The following RUSC2 variants were observed in gnomAD, a reference collection of about 807,000 sequenced individuals.
The protein encoded by RUSC2 is AP-4 complex accessory subunit RUSC2.
A neutral mutation model predicts 122.2 loss-of-function variants in RUSC2; 34 were observed. That is an observed-to-expected ratio of 0.28 (90% confidence interval 0.21 to 0.37). The LOEUF (loss-of-function observed/expected upper bound fraction) is 0.37, where lower values mean the gene tolerates loss of function less well. Among genes scored for constraint, RUSC2 ranks in the 10% least tolerant of loss-of-function variants. The pLI is 1.00. For missense variants in RUSC2, 1,747 were observed against 1,952.4 expected, an observed-to-expected ratio of 0.89 and a Z score of 1.98; for synonymous variants, 784 against 790.0, an observed-to-expected ratio of 0.99 and a Z score of 0.13.
intron 1 of RUSC2, among the ~76,000 whole-genome samples, chr9:35,517,016 A>G (rs193163360): frequency 2.3e-4 from 35 of 152,382 alleles, no homozygotes; most frequent in Non-Finnish European, 2.2e-4. Context: ...TTCGTGATCC[A>G]TAGATACATA....
At chr9:35,535,723 G>A (rs1418677761) in intron 1 of RUSC2, among the ~76,000 whole-genome samples, 1 of 151,416 alleles carries the variant, frequency 6.6e-6, no homozygotes, top group Non-Finnish European at 1.5e-5. Context: ...TGTATTTTTA[G>A]TAGAGACGGA....
intron 1 of RUSC2, among the ~76,000 whole-genome samples, chr9:35,532,247 A>T (rs1404287417): frequency 2.0e-5 from 3 of 152,144 alleles, no homozygotes; most frequent in Non-Finnish European, 2.9e-5. Context: ...GCTATTGGAG[A>T]TTTGATTCTG....
chr9:35,547,241 T>C lies in RUSC2; in HGVS notation c.720T>C (p.Pro240=). ...KLSSDESPRN[P]GCSGSGDQHC... ...GTTCAGATGAATCCCCAAGGAACCC[T>C]GGATGCTCCGGCTCAGGGGACCAGC... The change falls in exon 2 of 12, where the codon CCT becomes CCC. Residue 240 remains proline, a synonymous_variant. Coordinates refer to ENST00000361226, the MANE Select transcript of RUSC2 (RefSeq NM_014806.5). The surrounding 1 kb of genome is among the most constrained non-coding windows in gnomAD (Gnocchi z 4.6). The C allele has an allele frequency of 6.2e-7, 1 of 1,614,178 alleles. No homozygotes were observed. Among genetic ancestry groups the C allele is most frequent in the Non-Finnish European group, 8.5e-7 (1 of 1,180,032 alleles).
In RUSC2 at chr9:35,547,105, T is replaced by G. The variant is rs1821765876; in HGVS notation, c.584T>G (p.Leu195Arg). 6.2e-7 allele frequency: 1 copy of G among 1,613,964 alleles called. No individual in the cohort carries two copies. Among genetic ancestry groups the G allele is most frequent in the African/African-American group, 1.3e-5 (1 of 74,906 alleles). ...CGTSHCCRPE[L>R]EAETMELDEC... ...ACCAGCCACTGCTGCCGGCCAGAGC[T>G]GGAAGCAGAGACTATGGAGCTGGAT... The change falls in exon 2 of 12, where the codon CTG (leucine) becomes CGG (arginine). Residue 195 changes from leucine to arginine, a missense_variant. Leu to Arg is a moderately radical substitution (Grantham distance 102). Transcript: ENST00000361226. This position sits in a 1 kb window ranked among gnomAD's most constrained non-coding sequence, Gnocchi z 4.6.
intron 2 of RUSC2, chr9:35,549,140 T>C (rs1457915198): frequency 1.0e-6 from 1 of 985,232 alleles, no homozygotes; most frequent in African/African-American, 1.7e-5. Flanking sequence ...ACCTGGATGA[T>C]GGGAAAGATG....
At position 35,533,155 on chromosome 9, in the gene RUSC2, G is replaced by A. The variant is rs1245982091; in HGVS notation, c.-92-13275G>A. 2.0e-5 allele frequency among the ~76,000 whole-genome samples: 3 copies of A among 151,874 alleles called. No individual in the cohort carries two copies. The South Asian group carries it at 6.2e-4, about 31-fold the overall frequency. ...CCAGCTACTCGAGAGGCTGAGGCAC[G>A]AGAATCGCTTGAACCCAGGAGGCGG... On this transcript the variant is annotated intron_variant, in intron 1 of 11. Coordinates refer to ENST00000361226, the MANE Select transcript of RUSC2 (RefSeq NM_014806.5).
chr9:35,536,808 C>CAAAAAACAA (rs1821538204), intron 1 of RUSC2, among the ~76,000 whole-genome samples: 1 of 69,620 alleles, frequency 1.4e-5, no homozygotes, highest in Non-Finnish European at 2.5e-5. Flanking sequence ...GAGTGAAACT[C>CAAAAAACAA]AAAAAAAAAA....
Position 35,558,327 on chromosome 9 carries a change from G to C in RUSC2, c.3191G>C (p.Arg1064Pro). 6.2e-7 allele frequency: 1 copy of C among 1,614,170 alleles called. No individual in the cohort carries two copies. Residue 1064 changes from arginine (R) to proline (P), a missense_variant, in exon 7 of 12, where the codon CGT becomes CCT. Physicochemically the swap from Arg to Pro is moderately radical, Grantham distance 103 (BLOSUM62 -2). Transcript: ENST00000361226. The surrounding 1 kb of genome is among the most constrained non-coding windows in gnomAD (Gnocchi z 4.3). The stretch of plus-strand genomic sequence containing the variant: ...GTACTGGACGTCATCATCGGGCAGC[G>C]TAAGAACATGCCATGGAGTGTGGTT... ...AFVLDVIIGQ[R>P]KNMPWSVVEA...
At chr9:35,500,622 T>C (rs1265006837) in intron 1 of RUSC2, among the ~76,000 whole-genome samples, 1 of 152,254 alleles carries the variant, frequency 6.6e-6, no homozygotes, top group Non-Finnish European at 1.5e-5. Flanking sequence ...TGGAATGAGT[T>C]AAATTTCTCA....
intron 4 of RUSC2, 38 bp from the exon 5 acceptor site, chr9:35,556,270 T>C: frequency 6.2e-7 from 1 of 1,610,894 alleles, no homozygotes. Context: ...ACTCCTGCAC[T>C]GAGAGTTGCT....
chr9:35,509,260 C>T (rs1820972205), intron 1 of RUSC2, among the ~76,000 whole-genome samples: 1 of 152,282 alleles, frequency 6.6e-6, no homozygotes, highest in Non-Finnish European at 1.5e-5. Context: ...CCCGGAGGCA[C>T]ACCACCTTGT....
Position 35,548,847 on chromosome 9 carries a change from T to A in RUSC2, c.2014+312T>A. ...GAGTTTGAGACCAGCCTGGCCAACATAATGAAACCCCAGCTCTACTAAAAT... is the reference window on the plus strand; with the variant it reads ...GAGTTTGAGACCAGCCTGGCCAACAAAATGAAACCCCAGCTCTACTAAAAT... On this transcript the variant is annotated intron_variant, in intron 2 of 11. Coordinates refer to ENST00000361226, the MANE Select transcript of RUSC2 (RefSeq NM_014806.5). This position sits in a 1 kb window ranked among gnomAD's most constrained non-coding sequence, Gnocchi z 4.5. 1 of 651,296 alleles carries A rather than the reference T, an allele frequency of 1.5e-6. No individual in the cohort carries two copies. Among genetic ancestry groups the A allele is most frequent in the Non-Finnish European group, 1.9e-6 (1 of 524,792 alleles). The allele number at this position is 651,296 out of a possible 1,614,324, so 40.3% of individuals were successfully genotyped here. A position where few individuals can be genotyped will look rare whatever the true frequency, so the allele number is the denominator to read the frequency against.
At chr9:35,512,229 T>C (rs529071677) in intron 1 of RUSC2, among the ~76,000 whole-genome samples, 3 of 152,292 alleles carry the variant, frequency 2.0e-5, no homozygotes, top group Non-Finnish European at 4.4e-5. Flanking sequence ...ATAACTCTTC[T>C]TTTACAAGTT....
At chr9:35,522,803 G>A (rs1196821595) in intron 1 of RUSC2, among the ~76,000 whole-genome samples, 1 of 152,198 alleles carries the variant, frequency 6.6e-6, no homozygotes, top group Non-Finnish European at 1.5e-5. Flanking sequence ...GCAGTCTGAG[G>A]TGAAAACTTA....
chr9:35,552,480 T>C (rs190316278), intron 2 of RUSC2, among the ~76,000 whole-genome samples: 40 of 152,318 alleles, frequency 2.6e-4, no homozygotes, highest in Admixed American at 2.0e-3. Flanking sequence ...ACAAAACTAA[T>C]AAAGCAGAGA....
chr9:35,541,220 C>A (rs543344957), intron 1 of RUSC2, among the ~76,000 whole-genome samples: 10 of 152,010 alleles, frequency 6.6e-5, no homozygotes, highest in Non-Finnish European at 1.5e-4. Context: ...CTTCTACTTT[C>A]TTCTTATTCT....
chr9:35,499,171 C>T (rs953354868), intron 1 of RUSC2, among the ~76,000 whole-genome samples: 2 of 152,012 alleles, frequency 1.3e-5, no homozygotes, highest in Non-Finnish European at 2.9e-5. Flanking sequence ...CATGTAATCC[C>T]AGCTACTTGG....
chr9:35,528,630 C>T (rs569238124), intron 1 of RUSC2, among the ~76,000 whole-genome samples: 4 of 152,094 alleles, frequency 2.6e-5, no homozygotes, highest in Admixed American at 2.0e-4. Flanking sequence ...CCTTAGCCTC[C>T]CAAGTAGCTA....
intron 1 of RUSC2, among the ~76,000 whole-genome samples, chr9:35,524,978 A>G (rs1258403925): frequency 6.6e-6 from 1 of 152,058 alleles, no homozygotes; most frequent in Non-Finnish European, 1.5e-5. Flanking sequence ...CTCAAAAAAA[A>G]AAAAAAACTC....
Sources: gnomAD v4.1 joint callset for allele counts (sites outside exome capture counted in the v4.1 genomes callset) on GRCh38, gnomAD v4.1.1 for gene constraint, Gnocchi (gnomAD v3.1) non-coding constraint, MANE v1.5 for transcripts, NCBI Gene and HGNC (gene_info 2026-07-23, HGNC 2026-07-21) for gene names.